RNF217: variants seen among roughly 807,000 people sequenced by gnomAD.
RNF217 encodes the protein ring finger protein 217, also known as E3 ubiquitin-protein ligase RNF217.
A neutral mutation model predicts 57.8 loss-of-function variants in RNF217; 31 were observed. That is an observed-to-expected ratio of 0.54 (90% CI 0.40 to 0.72). The LOEUF (loss-of-function observed/expected upper bound fraction) is 0.72. Ranked by LOEUF, RNF217 falls within the 30% of genes least tolerant of loss-of-function variation. The probability of loss-of-function intolerance (pLI) is 0.00; values close to 1 mark genes in which losing one functional copy is unlikely to be tolerated. For synonymous variants in RNF217, 313 were observed against 294.0 expected, an observed-to-expected ratio of 1.06 and a Z score of -0.66; for missense variants, 696 against 708.3, an observed-to-expected ratio of 0.98 and a Z score of 0.20.
intron 1 of RNF217, among the ~76,000 whole-genome samples, chr6:125,027,449 T>C (rs1361814567): frequency 6.6e-6 from 1 of 152,206 alleles, no homozygotes; most frequent in Non-Finnish European, 1.5e-5. Flanking sequence ...AACAGAATAA[T>C]CTGCAATTTC....
chr6:125,076,729 T>C lies in RNF217; in HGVS notation c.1354T>C (p.Cys452Arg). ...ATGTAACACTAATTTTTGTTACCGA[T>C]GTGGTGAGAGATACCGCCAGCTCCG... is the stretch of plus-strand genomic sequence containing the variant. ...SQCNTNFCYR[C>R]GERYRQLRFF... The change falls in exon 4 of 6, where the codon TGT becomes CGT. Residue 452 changes from cysteine (C) to arginine (R), a missense_variant. Transcript: ENST00000521654. The C allele has an allele frequency of 6.2e-7, 1 of 1,613,524 alleles. No homozygotes were observed. Among genetic ancestry groups the C allele is most frequent in the Non-Finnish European group, 8.5e-7 (1 of 1,179,582 alleles).
intron 1 of RNF217, among the ~76,000 whole-genome samples, chr6:124,987,997 T>A (rs954019230): frequency 9.2e-5 from 14 of 152,138 alleles, no homozygotes; most frequent in African/African-American, 2.4e-5. Context: ...ATCCCCGGAC[T>A]GTTAGGAACC....
rs982892402 is a variant in RNF217, at chr6:125,033,764, C to T, written c.883-11447C>T. ...TTCTAGTTCAAGATCCCTGAGGAAT[C>T]GCCACACTGACTTCCACAATGGTTG... On this transcript the variant is annotated intron_variant, in intron 1 of 5. Coordinates refer to ENST00000521654, the MANE Select transcript of RNF217 (RefSeq NM_001286398.3). Among the ~76,000 whole-genome samples the T allele has an allele frequency of 5.9e-5, 9 of 152,028 alleles. No homozygotes were observed. In the East Asian group the frequency reaches 1.2e-3, roughly 20 times the overall value.
At chr6:125,056,794 G>A (rs1667960215) in intron 2 of RNF217, among the ~76,000 whole-genome samples, 1 of 152,180 alleles carries the variant, frequency 6.6e-6, no homozygotes, top group Non-Finnish European at 1.5e-5. Flanking sequence ...ATGGGGCTCT[G>A]TAAGTCAGGT....
intron 1 of RNF217, among the ~76,000 whole-genome samples, chr6:124,978,598 T>A (rs2115007692): frequency 6.6e-6 from 1 of 152,214 alleles, no homozygotes; most frequent in South Asian, 2.1e-4. Flanking sequence ...GTGTTACAGC[T>A]TTCTTTTTCC....
chr6:125,013,612 C>CTTATA (rs1785502477), intron 1 of RNF217, among the ~76,000 whole-genome samples: 1 of 151,312 alleles, frequency 6.6e-6, no homozygotes, highest in African/African-American at 2.4e-5. Context: ...TTATAGAGTT[C>CTTATA]GTATTCAGCT....
At chr6:124,971,448 G>GTTT in intron 1 of RNF217, 2 of 312,042 alleles carry the variant, frequency 6.4e-6, no homozygotes, top group South Asian at 2.6e-5. Context: ...TTACTGTTAA[G>GTTT]TTTTTTTTTG....
At chr6:125,064,526 G>A (rs1026217828) in intron 3 of RNF217, among the ~76,000 whole-genome samples, 36 of 152,144 alleles carry the variant, frequency 2.4e-4, no homozygotes, top group Non-Finnish European at 2.4e-4. Context: ...ATAGAAATAA[G>A]TGAAAATATT....
intron 1 of RNF217, among the ~76,000 whole-genome samples, chr6:125,012,881 ATAACTCCTTAAATTGAAGG>A (rs1467171044): frequency 1.3e-5 from 2 of 152,126 alleles, no homozygotes; most frequent in Non-Finnish European, 2.9e-5. Context: ...TCCTTATTTC[ATAACTCCTTAAATTGAAGG>A]TATATTTTCA....
chr6:125,019,949 A>G (rs1055975480), intron 1 of RNF217, among the ~76,000 whole-genome samples: 2 of 152,028 alleles, frequency 1.3e-5, no homozygotes, highest in Non-Finnish European at 2.9e-5. Context: ...AGCTTTGTGG[A>G]GAAGAGCCCA....
At position 125,045,248 on chromosome 6, in the gene RNF217, C is replaced by A; in HGVS notation, c.920C>A (p.Thr307Lys). The change falls in exon 2 of 6, where the codon ACA becomes AAA. Residue 307 changes from threonine (T) to lysine (K), a missense_variant. By Grantham distance (78) the Thr-to-Lys change is moderately conservative. Transcript: ENST00000521654. ...CAAGTAGAAATCAAATGCCCCATCA[C>A]AGAGTGTTTTGAATTCTTGGAAGAA... ...LGQVEIKCPITECFEFLEETT... is the reference protein window; with the variant it reads ...LGQVEIKCPIKECFEFLEETT... 10 of 1,613,180 alleles carry A rather than the reference C, an allele frequency of 6.2e-6. No homozygotes were observed. Among genetic ancestry groups the A allele is most frequent in the Non-Finnish European group, 8.5e-6 (10 of 1,179,490 alleles).
intron 4 of RNF217, among the ~76,000 whole-genome samples, chr6:125,079,821 T>C (rs1220635437): frequency 1.3e-5 from 2 of 152,060 alleles, no homozygotes; most frequent in Non-Finnish European, 2.9e-5. Flanking sequence ...AATATTTAAA[T>C]AAAATACGAT....
intron 1 of RNF217, among the ~76,000 whole-genome samples, chr6:124,990,004 C>T (rs576361065): frequency 1.3e-5 from 2 of 152,212 alleles, no homozygotes; most frequent in South Asian, 2.1e-4. Flanking sequence ...TCTCTTATTT[C>T]CTTTCTTTCC....
At position 124,962,681 on chromosome 6, in the gene RNF217, C is replaced by A. The variant is rs1396333461; in HGVS notation, c.137C>A (p.Ala46Asp). The A allele has an allele frequency of 2.2e-6, 3 of 1,348,512 alleles. No homozygotes were observed. In the African/African-American group the frequency reaches 4.6e-5, roughly 21 times the overall value. 83.5% of individuals were successfully genotyped at this position (1,348,512 alleles called of 1,614,324 possible). A position where few individuals can be genotyped will look rare whatever the true frequency, so the allele number is the denominator to read the frequency against. Residue 46 changes from alanine to aspartate, a missense_variant, in exon 1 of 6, where the codon GCC becomes GAC. Around this residue, in one of 2 missense-constraint regions of RNF217, gnomAD observed 465 missense variants for 386.8 expected, o/e 1.20. Coordinates refer to ENST00000521654, the MANE Select transcript of RNF217 (RefSeq NM_001286398.3). This position sits in a 1 kb window ranked among gnomAD's most constrained non-coding sequence, Gnocchi z 4.6. ...GCCCGGGCGCCCCCGCTGCGCGCCG[C>A]CTCCGCGGAGCCGAGCGGCGGTGGC... ...DSARAPPLRA[A>D]SAEPSGGGCG...
intron 1 of RNF217, among the ~76,000 whole-genome samples, chr6:125,001,896 C>G (rs1785002042): frequency 6.6e-6 from 1 of 152,148 alleles, no homozygotes; most frequent in African/African-American, 2.4e-5. Flanking sequence ...ATCAATTATT[C>G]CCTGACAGAT....
chr6:125,016,360 T>G (rs1785602269), intron 1 of RNF217, among the ~76,000 whole-genome samples: 1 of 152,110 alleles, frequency 6.6e-6, no homozygotes, highest in African/African-American at 2.4e-5. Flanking sequence ...GTCAATAGAT[T>G]TTTTAAAAAG....
intron 1 of RNF217, among the ~76,000 whole-genome samples, chr6:124,965,639 G>A (rs563821619): frequency 1.3e-5 from 2 of 149,910 alleles, no homozygotes; most frequent in Non-Finnish European, 2.9e-5. Context: ...CATAGATACC[G>A]GGCATGCTTT....
intron 1 of RNF217, among the ~76,000 whole-genome samples, chr6:125,028,630 TA>T (rs34965023): frequency 1.8e-3 from 269 of 152,192 alleles, no homozygotes; most frequent in African/African-American, 6.3e-3. Flanking sequence ...GGAAAGAGCA[TA>T]AAATAAAACT....
In RNF217 at chr6:124,962,806, G is replaced by A. The variant is rs746656377; in HGVS notation, c.262G>A (p.Ala88Thr). Residue 88 changes from alanine to threonine, a missense_variant, in exon 1 of 6, where the codon GCG becomes ACG. Physicochemically the swap from Ala to Thr is moderately conservative, Grantham distance 58. Around this residue, in one of 2 missense-constraint regions of RNF217, gnomAD observed 465 missense variants for 386.8 expected, o/e 1.20. Transcript: ENST00000521654. This position sits in a 1 kb window ranked among gnomAD's most constrained non-coding sequence, Gnocchi z 4.6. ...WSKSRAPAQP[A>T]GLALTGPLNP... ...TAAGAGCCGAGCACCGGCGCAGCCT[G>A]CGGGACTGGCACTCACCGGGCCTCT... 3 of 1,597,620 alleles carry A rather than the reference G, an allele frequency of 1.9e-6. No homozygotes were observed. In the Admixed American group the frequency reaches 5.0e-5, roughly 27 times the overall value.
Sources: allele counts gnomAD v4.1 joint callset (sites outside exome capture counted in the v4.1 genomes callset), GRCh38; gene constraint gnomAD v4.1.1; regional missense constraint gnomAD v4.1.1; non-coding constraint Gnocchi (gnomAD v3.1); transcripts MANE v1.5; gene names NCBI Gene and HGNC (gene_info 2026-07-23, HGNC 2026-07-21).